ADGRV1: variants seen among roughly 807,000 people sequenced by gnomAD.
ADGRV1 encodes adhesion G protein-coupled receptor V1.
In ADGRV1, 359 loss-of-function variants were observed where a neutral mutation model predicts 596.2. The ratio of observed to expected loss-of-function variants is 0.60; its 90% CI spans 0.55 to 0.66. The LOEUF (loss-of-function observed/expected upper bound fraction) is 0.66. Ranked by LOEUF, ADGRV1 falls within the 30% of genes least tolerant of loss-of-function variation. ADGRV1 has a pLI of 0.00. For missense variants in ADGRV1, 7,274 were observed against 7,575.6 expected, an observed-to-expected ratio of 0.96 and a Z score of 1.48; for synonymous variants, 2,681 against 2,679.2, an observed-to-expected ratio of 1.00 and a Z score of -0.02.
intron 83 of ADGRV1, among the ~76,000 whole-genome samples, chr5:90,943,955 G>T (rs1262165720): frequency 3.3e-5 from 5 of 152,268 alleles, no homozygotes; most frequent in African/African-American, 1.2e-4. Flanking sequence ...GAATTGAGGT[G>T]TAGGGGGGGC....
intron 53 of ADGRV1, 86 bp from the exon 54 acceptor site, chr5:90,753,488 A>T: frequency 1.0e-6 from 1 of 963,094 alleles, no homozygotes; most frequent in Non-Finnish European, 1.5e-6. Flanking sequence ...TTATAGGTTT[A>T]ATAAAAGAAA....
intron 1 of ADGRV1, among the ~76,000 whole-genome samples, chr5:90,599,694 G>A (rs1173442951): frequency 6.6e-6 from 1 of 151,964 alleles, no homozygotes; most frequent in Non-Finnish European, 1.5e-5. Flanking sequence ...AGAGATATAA[G>A]CATATCGACA....
chr5:90,653,286 C>T lies in ADGRV1; in HGVS notation c.3712C>T (p.Pro1238Ser), dbSNP rs1450507647. ...AGTAATGGTTCCATTCAATGATGAT[C>T]CCTTTGGAGTTTTTATCTTGGATCC... ...VTVMVPFNDD[P>S]FGVFILDPEC... Residue 1238 changes from proline (P) to serine (S), a missense_variant, in exon 20 of 90, where the codon CCC becomes TCC. Coordinates refer to ENST00000405460, the MANE Select transcript of ADGRV1 (RefSeq NM_032119.4). 1.2e-6 allele frequency: 2 copies of T among 1,613,840 alleles called. No individual in the cohort carries two copies. The highest frequency in any genetic ancestry group is 1.7e-6 in the Non-Finnish European group (2 of 1,179,828).
intron 82 of ADGRV1, among the ~76,000 whole-genome samples, chr5:90,863,109 C>T (rs1341358632): frequency 6.6e-6 from 1 of 152,154 alleles, no homozygotes; most frequent in African/African-American, 2.4e-5. Context: ...AATAGGTTAT[C>T]ATATGCAGCA....
At chr5:90,604,213 G>A (rs1042048213) in intron 1 of ADGRV1, among the ~76,000 whole-genome samples, 5 of 151,858 alleles carry the variant, frequency 3.3e-5, no homozygotes, top group African/African-American at 1.2e-4. Flanking sequence ...TGATCTTTTA[G>A]TATTGTTTTG....
rs775107694 is a variant in ADGRV1 at position 90,685,933 on chromosome 5, C to A, written c.6428C>A (p.Thr2143Lys). ...GGACCCATTATCAATGTGACTAGAA[C>A]AGGAGGAGCATTTGCAGATGTCTCT... The part of the protein sequence containing the change: ...HVGPIINVTR[T>K]GGAFADVSVK... The change falls in exon 29 of 90, where the codon ACA becomes AAA. Residue 2143 changes from threonine to lysine, a missense_variant. By Grantham distance (78) the Thr-to-Lys change is moderately conservative (BLOSUM62 -1). This residue lies in a region of ADGRV1 where 3,643 missense variants were observed against 3,809.2 expected (regional missense o/e 0.96). Coordinates refer to ENST00000405460, the MANE Select transcript of ADGRV1 (RefSeq NM_032119.4). 3.7e-6 allele frequency: 6 copies of A among 1,608,818 alleles called. No homozygotes were observed. The East Asian group carries it at 8.9e-5, about 24-fold the overall frequency.
At chr5:90,730,817 T>C (rs2366929) in intron 50 of ADGRV1, among the ~76,000 whole-genome samples, 64,185 of 151,944 alleles carry the variant, frequency 0.42, 14,469 homozygotes, top group Admixed American at 0.58. Flanking sequence ...TGTCTCCTGT[T>C]GAGGTGTCTA....
intron 86 of ADGRV1, among the ~76,000 whole-genome samples, chr5:91,084,027 C>T (rs963213970): frequency 4.6e-5 from 7 of 152,002 alleles, no homozygotes; most frequent in Non-Finnish European, 1.0e-4. Context: ...CTGTGGTTAC[C>T]ATTTCTTATG....
chr5:90,962,101 T>C (rs1415998195), intron 83 of ADGRV1, among the ~76,000 whole-genome samples: 3 of 152,230 alleles, frequency 2.0e-5, no homozygotes, highest in Non-Finnish European at 4.4e-5. Flanking sequence ...ATTTAAAACT[T>C]GTTTAAGGAC....
intron 87 of ADGRV1, 81 bp downstream of exon 87, chr5:91,102,421 A>G: frequency 8.0e-7 from 1 of 1,247,522 alleles, no homozygotes. Context: ...TTAAAGAGTC[A>G]AGCATCCACA....
chr5:90,880,533 A>T (rs1031140994), intron 83 of ADGRV1, among the ~76,000 whole-genome samples: 2 of 152,354 alleles, frequency 1.3e-5, no homozygotes, highest in Admixed American at 1.3e-4. Flanking sequence ...GACATGTACT[A>T]TATCTTTGAA....
chr5:90,905,406 T>C (rs1210274471), intron 83 of ADGRV1, among the ~76,000 whole-genome samples: 1 of 152,062 alleles, frequency 6.6e-6, no homozygotes, highest in Non-Finnish European at 1.5e-5. Flanking sequence ...CCTTCCATTT[T>C]TTCATCACTA....
intron 21 of ADGRV1, among the ~76,000 whole-genome samples, chr5:90,666,942 A>T (rs2149514001): frequency 6.6e-6 from 1 of 150,502 alleles, no homozygotes; most frequent in East Asian, 2.0e-4. Flanking sequence ...ATTGGCCCCC[A>T]CTCTCTTCTG....
intron 55 of ADGRV1, 43 bp from the exon 56 acceptor site, chr5:90,756,411 C>T (rs982193911): frequency 6.6e-6 from 9 of 1,362,384 alleles, no homozygotes; most frequent in African/African-American, 1.5e-5. Context: ...AGTTAAATGT[C>T]TTAAAAAAAA....
intron 83 of ADGRV1, among the ~76,000 whole-genome samples, chr5:90,930,626 T>C (rs953359389): frequency 2.0e-5 from 3 of 152,164 alleles, no homozygotes. Flanking sequence ...TTTTAAATAC[T>C]AGAGAGTTAT....
At chr5:90,937,910 A>C (rs79294349) in intron 83 of ADGRV1, among the ~76,000 whole-genome samples, 1,946 of 152,156 alleles carry the variant, frequency 0.013, 49 homozygotes, top group African/African-American at 0.044. Context: ...TTCTTTTAAT[A>C]CCTTTGTCAG....
chr5:90,753,119 A>G (rs912910490), intron 53 of ADGRV1, among the ~76,000 whole-genome samples: 9 of 152,166 alleles, frequency 5.9e-5, no homozygotes, highest in African/African-American at 1.9e-4. Flanking sequence ...TTCTCTCTCC[A>G]CCTGTGTTTT....
chr5:90,975,135 T>G (rs1399666328), intron 84 of ADGRV1, among the ~76,000 whole-genome samples: 1 of 151,398 alleles, frequency 6.6e-6, no homozygotes, highest in East Asian at 1.9e-4. Flanking sequence ...GAAATGGAAA[T>G]CAAAACCACA....
At chr5:91,025,048 G>A (rs1783914257) in intron 85 of ADGRV1, among the ~76,000 whole-genome samples, 1 of 152,072 alleles carries the variant, frequency 6.6e-6, no homozygotes, top group Non-Finnish European at 1.5e-5. Context: ...CCTATAGCAA[G>A]CTTCTCTGAC....
Sources: gnomAD v4.1 joint callset for allele counts (sites outside exome capture counted in the v4.1 genomes callset) on GRCh38, gnomAD v4.1.1 for gene constraint, gnomAD v4.1.1 regional missense constraint, MANE v1.5 for transcripts, NCBI Gene and HGNC (gene_info 2026-07-23, HGNC 2026-07-21) for gene names.